The following NYAP2 variants were observed in gnomAD, a reference collection of about 807,000 sequenced individuals.
NYAP2 encodes the protein neuronal tyrosine-phosphorylated phosphoinositide-3-kinase adaptor 2.
NYAP2 carries 23 observed loss-of-function variants against 50.4 expected under a neutral mutation model. That is an observed-to-expected ratio of 0.46 (90% CI 0.33 to 0.65). The LOEUF (loss-of-function observed/expected upper bound fraction) is 0.65. Ranked by LOEUF, NYAP2 falls within the 30% of genes least tolerant of loss-of-function variation. NYAP2 has a pLI of 0.02. For synonymous variants in NYAP2, 394 were observed against 365.2 expected, an observed-to-expected ratio of 1.08 and a Z score of -0.90; for missense variants, 885 against 861.0, an observed-to-expected ratio of 1.03 and a Z score of -0.35.
At chr2:225,502,037 GACCTTAAAAGACCATGAGTATAACTTAA>G (rs1574646721) in intron 3 of NYAP2, among the ~76,000 whole-genome samples, 1 of 152,194 alleles carries the variant, frequency 6.6e-6, no homozygotes, top group East Asian at 1.9e-4. Context: ...ATAGAATCCA[GACCTTAAAAGACCATGAGTATAACTTAA>G]AAGTTTGGAT....
chr2:225,417,445 A>G (rs150649175), intron 3 of NYAP2, among the ~76,000 whole-genome samples: 1 of 152,258 alleles, frequency 6.6e-6, no homozygotes, highest in East Asian at 1.9e-4. Flanking sequence ...AATAATGCTC[A>G]TATTTGGAAA....
chr2:225,487,903 C>T (rs1258092968), intron 3 of NYAP2, among the ~76,000 whole-genome samples: 7 of 152,188 alleles, frequency 4.6e-5, no homozygotes, highest in Non-Finnish European at 7.3e-5. Flanking sequence ...ATCCTCTATT[C>T]GCTTTCTCTA....
intron 6 of NYAP2, among the ~76,000 whole-genome samples, chr2:225,644,882 T>A (rs1693600962): frequency 6.6e-6 from 1 of 152,130 alleles, no homozygotes; most frequent in Non-Finnish European, 1.5e-5. Context: ...GTGTGATGCC[T>A]CCAGCTTTGT....
chr2:225,589,513 T>C (rs1346832313), intron 5 of NYAP2, among the ~76,000 whole-genome samples: 2 of 24,818 alleles, frequency 8.1e-5, no homozygotes, highest in Non-Finnish European at 1.3e-4. Context: ...CTACTAAAAG[T>C]AAAATATATA....
chr2:225,446,411 C>A (rs931081019), intron 3 of NYAP2, among the ~76,000 whole-genome samples: 1 of 151,538 alleles, frequency 6.6e-6, no homozygotes, highest in Non-Finnish European at 1.5e-5. Flanking sequence ...AGTAACTGCA[C>A]TGGGTAGGAA....
At chr2:225,528,651 A>C (rs577933770) in intron 4 of NYAP2, among the ~76,000 whole-genome samples, 1 of 152,214 alleles carries the variant, frequency 6.6e-6, no homozygotes, top group Non-Finnish European at 1.5e-5. Flanking sequence ...TTGACCCAGC[A>C]TGGGAACTGG....
intron 4 of NYAP2, among the ~76,000 whole-genome samples, chr2:225,549,252 G>A (rs1437378310): frequency 6.6e-6 from 1 of 152,152 alleles, no homozygotes; most frequent in Non-Finnish European, 1.5e-5. Flanking sequence ...CTAGTTTATA[G>A]ATGTGCTTTA....
chr2:225,419,171 G>T (rs1329868416), intron 3 of NYAP2, among the ~76,000 whole-genome samples: 1 of 152,208 alleles, frequency 6.6e-6, no homozygotes. Context: ...CCAGTTTAGG[G>T]CAGAGATGAC....
chr2:225,469,972 A>C (rs1371857859), intron 3 of NYAP2, among the ~76,000 whole-genome samples: 2 of 152,182 alleles, frequency 1.3e-5, no homozygotes, highest in Admixed American at 6.5e-5. Context: ...CATGTTCTGC[A>C]CATGTACCCC....
chr2:225,597,818 T>C (rs1009196480), intron 5 of NYAP2, among the ~76,000 whole-genome samples: 3 of 151,836 alleles, frequency 2.0e-5, no homozygotes, highest in Admixed American at 6.6e-5. Flanking sequence ...CTTGTAAATG[T>C]TCATTGCTAT....
chr2:225,680,369 G>A, the NYAP2 span, among the ~76,000 whole-genome samples: 1 of 151,636 alleles, frequency 6.6e-6, no homozygotes, highest in Non-Finnish European at 1.5e-5. Flanking sequence ...ACATAGAAAG[G>A]GGTTGCAATC....
At chr2:225,419,843 C>T (rs1257892936) in intron 3 of NYAP2, among the ~76,000 whole-genome samples, 2 of 152,082 alleles carry the variant, frequency 1.3e-5, no homozygotes, top group Admixed American at 6.6e-5. Context: ...GAAAGCAATA[C>T]AGGGGAAGAT....
Position 225,608,089 on chromosome 2 carries a change from A to G in NYAP2, c.1619-18828A>G, listed in dbSNP as rs1692820445. Among the ~76,000 whole-genome samples the G allele has an allele frequency of 2.0e-5, 3 of 152,282 alleles. 1 individual carries two copies. The South Asian group carries it at 6.2e-4, about 32-fold the overall frequency. On this transcript the variant is annotated intron_variant, in intron 5 of 6. Coordinates refer to ENST00000636099, the Ensembl canonical transcript of NYAP2. ...CAAAAAATGATTATCTTGTCATTGAACAGTTGGTAGATTTTGGAATCCCAA... is the reference window on the plus strand; with the variant it reads ...CAAAAAATGATTATCTTGTCATTGAGCAGTTGGTAGATTTTGGAATCCCAA...
Position 225,629,917 on chromosome 2 carries a change from G to T in NYAP2, c.1828+2791G>T, listed in dbSNP as rs570395467. ...TCAACATGAGTTTTCGTGAGAACAA[G>T]CCATATCCAAATCACAGCTGAAGAG... On this transcript the variant is annotated intron_variant, in intron 6 of 6. Coordinates refer to ENST00000636099, the Ensembl canonical transcript of NYAP2. 1.6e-4 allele frequency among the ~76,000 whole-genome samples: 25 copies of T among 152,306 alleles called. No homozygotes were observed. In the East Asian group the frequency reaches 4.8e-3, roughly 29 times the overall value.
the NYAP2 span, among the ~76,000 whole-genome samples, chr2:225,689,584 T>A: frequency 6.6e-6 from 1 of 152,274 alleles, no homozygotes; most frequent in East Asian, 1.9e-4. Context: ...AATATGTCTA[T>A]ATCTCAAAAC....
intron 3 of NYAP2, among the ~76,000 whole-genome samples, chr2:225,476,976 G>A (rs1316082174): frequency 1.3e-5 from 2 of 151,916 alleles, no homozygotes; most frequent in Admixed American, 1.3e-4. Flanking sequence ...GTTTTTTGCT[G>A]ACCTGTATTA....
chr2:225,539,276 G>A (rs914787304), intron 4 of NYAP2, among the ~76,000 whole-genome samples: 1 of 152,160 alleles, frequency 6.6e-6, no homozygotes, highest in Non-Finnish European at 1.5e-5. Context: ...CCAAGTCTTT[G>A]CTATTTGTGA....
the NYAP2 span, among the ~76,000 whole-genome samples, chr2:225,664,872 CAAAA>C: frequency 6.6e-6 from 1 of 151,910 alleles, no homozygotes; most frequent in Non-Finnish European, 1.5e-5. Context: ...GAGTCCATCT[CAAAA>C]ACAAACAAAC....
intron 5 of NYAP2, among the ~76,000 whole-genome samples, chr2:225,588,797 A>C (rs1692436747): frequency 6.6e-6 from 1 of 152,180 alleles, no homozygotes; most frequent in Non-Finnish European, 1.5e-5. Context: ...GTTGACCCGA[A>C]CAGGGGAGGC....
Sources: gnomAD v4.1 joint callset for allele counts (sites outside exome capture counted in the v4.1 genomes callset) on GRCh38, gnomAD v4.1.1 for gene constraint, MANE v1.5 for transcripts, NCBI Gene and HGNC (gene_info 2026-07-23, HGNC 2026-07-21) for gene names.